Variants in RGL1 observed in about 807,000 individuals in gnomAD.
RGL1 encodes the protein ral guanine nucleotide dissociation stimulator like 1, also known as ral guanine nucleotide dissociation stimulator-like 1.
In RGL1, 24 loss-of-function variants were observed where a neutral mutation model predicts 95.2. That is an observed-to-expected ratio of 0.25 (90% CI 0.18 to 0.35). RGL1 has a LOEUF of 0.35. Ranked by LOEUF, RGL1 falls within the 10% of genes least tolerant of loss-of-function variation. RGL1 has a pLI of 1.00. For missense variants in RGL1, 715 were observed against 936.3 expected, an observed-to-expected ratio of 0.76 and a Z score of 3.08; for synonymous variants, 329 against 344.9, an observed-to-expected ratio of 0.95 and a Z score of 0.51.
At chr1:183,674,578 T>C (rs1001106989) in intron 1 of RGL1, among the ~76,000 whole-genome samples, 12 of 152,220 alleles carry the variant, frequency 7.9e-5, no homozygotes, top group African/African-American at 2.7e-4. Flanking sequence ...TTTGGACTTT[T>C]CTATCTCTTT....
intron 2 of RGL1, among the ~76,000 whole-genome samples, chr1:183,809,714 G>A (rs1372842921): frequency 6.6e-6 from 1 of 152,160 alleles, no homozygotes; most frequent in Non-Finnish European, 1.5e-5. Context: ...AGAGGCCAAG[G>A]CAGGCTAATT....
upstream of RGL1, among the ~76,000 whole-genome samples, chr1:183,801,335 T>C (rs1330178814): frequency 6.6e-6 from 1 of 152,162 alleles, no homozygotes; most frequent in African/African-American, 2.4e-5. Flanking sequence ...TTTTGCCCAT[T>C]TTTAAATTGG....
intron 14 of RGL1, among the ~76,000 whole-genome samples, chr1:183,908,099 A>G (rs191946443): frequency 6.6e-6 from 1 of 152,278 alleles, no homozygotes; most frequent in East Asian, 1.9e-4. Flanking sequence ...CTAGCTCTCA[A>G]TATGTGCCTG....
At chr1:183,815,646 A>C (rs1420276668) in intron 2 of RGL1, among the ~76,000 whole-genome samples, 1 of 152,182 alleles carries the variant, frequency 6.6e-6, no homozygotes, top group African/African-American at 2.4e-5. Context: ...ACTTCCATGC[A>C]AAACTCACCT....
At chr1:183,664,098 G>C (rs1651860368) in intron 1 of RGL1, among the ~76,000 whole-genome samples, 1 of 150,348 alleles carries the variant, frequency 6.7e-6, no homozygotes, top group Admixed American at 6.6e-5. Context: ...AGCTTTAGGA[G>C]ATATACCTAA....
chr1:183,920,038 A>T (rs1265076865), intron 16 of RGL1, among the ~76,000 whole-genome samples: 1 of 151,732 alleles, frequency 6.6e-6, no homozygotes, highest in Non-Finnish European at 1.5e-5. Flanking sequence ...CCTTTCAAAA[A>T]CTTTTTTTTT....
At chr1:183,826,070 T>TC (rs1662831813) in intron 2 of RGL1, among the ~76,000 whole-genome samples, 1 of 151,594 alleles carries the variant, frequency 6.6e-6, no homozygotes, top group African/African-American at 2.4e-5. Flanking sequence ...CTTTTTTTTT[T>TC]TGAGACGGAG....
At chr1:183,835,214 AT>A (rs200206056) in intron 2 of RGL1, among the ~76,000 whole-genome samples, 13,701 of 152,070 alleles carry the variant, frequency 0.09, 651 homozygotes, top group South Asian at 0.11. Flanking sequence ...GCCTTTCTAT[AT>A]GCTACTTTCT....
intron 2 of RGL1, among the ~76,000 whole-genome samples, chr1:183,830,521 G>A (rs1663188078): frequency 6.6e-6 from 1 of 152,148 alleles, no homozygotes; most frequent in Non-Finnish European, 1.5e-5. Context: ...AAAAAGTCAA[G>A]TAAGTGCATA....
chr1:183,761,567 T>C (rs1658667088), intron 2 of RGL1, among the ~76,000 whole-genome samples: 1 of 152,212 alleles, frequency 6.6e-6, no homozygotes. Flanking sequence ...CCAGAATAGA[T>C]GTAGCATAAT....
At chr1:183,850,566 G>T (rs902714226) in intron 3 of RGL1, among the ~76,000 whole-genome samples, 4 of 152,128 alleles carry the variant, frequency 2.6e-5, no homozygotes, top group African/African-American at 7.2e-5. Flanking sequence ...TCTGTTCTTT[G>T]TCATACATTG....
chr1:183,636,723 A>C (rs1446294092), intron 1 of RGL1, among the ~76,000 whole-genome samples: 1 of 152,126 alleles, frequency 6.6e-6, no homozygotes, highest in African/African-American at 2.4e-5. Context: ...GACCTTTAAG[A>C]TTTATATTAT....
chr1:183,871,280 T>G (rs927537248), intron 4 of RGL1, among the ~76,000 whole-genome samples: 1 of 152,170 alleles, frequency 6.6e-6, no homozygotes, highest in Non-Finnish European at 1.5e-5. Context: ...AGCTGCTCAC[T>G]GGGGTCATGA....
intron 14 of RGL1, among the ~76,000 whole-genome samples, chr1:183,910,898 A>G (rs535513899): frequency 1.1e-4 from 17 of 152,302 alleles, no homozygotes; most frequent in African/African-American, 4.1e-4. Flanking sequence ...AGCTTGGCTT[A>G]TAGTAGACAT....
In RGL1 at chr1:183,747,550, G is replaced by C. The variant is rs142895609; in HGVS notation, c.132+5261G>C. 2.5e-3 allele frequency among the ~76,000 whole-genome samples: 381 copies of C among 152,208 alleles called. 2 individuals are homozygous for C. Among genetic ancestry groups the C allele is most frequent in the African/African-American group, 8.5e-3 (354 of 41,524 alleles). ...TCTGGATATTAGACCTTTGTCAGAC[G>C]GAGAGATTGCAAAACTTTCCTCCCA... On this transcript the variant is annotated intron_variant, in intron 2 of 18. Transcript: ENST00000304685.
intron 2 of RGL1, among the ~76,000 whole-genome samples, chr1:183,845,202 G>C (rs1664337901): frequency 6.6e-6 from 1 of 152,164 alleles, no homozygotes; most frequent in African/African-American, 2.4e-5. Context: ...TTGCGATTCA[G>C]ATAAACCGCC....
intron 2 of RGL1, among the ~76,000 whole-genome samples, chr1:183,842,852 A>G (rs187588041): frequency 1.1e-4 from 17 of 152,352 alleles, no homozygotes; most frequent in African/African-American, 2.9e-4. Context: ...AACAGGTCCT[A>G]AAGTCTCTTA....
chr1:183,926,557 T>C lies in RGL1; in HGVS notation c.*265T>C, dbSNP rs1025750728. The stretch of plus-strand genomic sequence containing the variant: ...GAATTACCAACATTTAAAACATATA[T>C]ATGCACATGTATTTGGTATGCATGT... On this transcript the variant is annotated 3_prime_UTR_variant, in exon 18 of 18. Transcript: ENST00000360851. 21 of 251,260 alleles carry C rather than the reference T, an allele frequency of 8.4e-5. No individual in the cohort carries two copies. The highest frequency in any genetic ancestry group is 4.1e-4 in the African/African-American group (18 of 44,330). 15.6% of individuals were successfully genotyped at this position (251,260 alleles called of 1,614,324 possible).
intron 2 of RGL1, among the ~76,000 whole-genome samples, chr1:183,774,785 A>G (rs1008631767): frequency 1.3e-5 from 2 of 152,042 alleles, no homozygotes; most frequent in African/African-American, 4.8e-5. Context: ...CAAATTGGCC[A>G]GGCTGGTCTC....
Sources: allele counts gnomAD v4.1 joint callset (sites outside exome capture counted in the v4.1 genomes callset), GRCh38; gene constraint gnomAD v4.1.1; transcripts MANE v1.5; gene names NCBI Gene and HGNC (gene_info 2026-07-23, HGNC 2026-07-21).